Variants in SLC1A7 observed in about 807,000 individuals in gnomAD.
SLC1A7 encodes excitatory amino acid transporter 5.
Under a neutral mutation model 47.7 loss-of-function variants are expected in SLC1A7, and 40 were observed. The ratio of observed to expected loss-of-function variants is 0.84; its 90% CI spans 0.65 to 1.09. The LOEUF (loss-of-function observed/expected upper bound fraction) is 1.09. Among genes scored for constraint, SLC1A7 ranks in the 50% least tolerant of loss-of-function variants. SLC1A7 has a pLI of 0.00. For missense variants in SLC1A7, 746 were observed against 769.5 expected, an observed-to-expected ratio of 0.97 and a Z score of 0.36; for synonymous variants, 323 against 325.6, an observed-to-expected ratio of 0.99 and a Z score of 0.09.
chr1:53,110,243 C>T (rs950333892), intron 3 of SLC1A7, among the ~76,000 whole-genome samples: 2 of 152,334 alleles, frequency 1.3e-5, no homozygotes, highest in Admixed American at 1.3e-4. Flanking sequence ...GAGAGGGGAA[C>T]TGGCCTGCCC....
chr1:53,136,354 C>T (rs112244720), intron 1 of SLC1A7, among the ~76,000 whole-genome samples: 12,073 of 147,400 alleles, frequency 0.082, 603 homozygotes, highest in African/African-American at 0.14. Flanking sequence ...CCACTATGCC[C>T]GGCTAAATTT....
chr1:53,103,047 G>T, intron 5 of SLC1A7: 1 of 321,538 alleles, frequency 3.1e-6, no homozygotes, highest in Non-Finnish European at 5.7e-6. Context: ...GGCTTGCATA[G>T]GTGAGGGGCC....
intron 5 of SLC1A7, among the ~76,000 whole-genome samples, chr1:53,100,939 T>C (rs1165599855): frequency 6.9e-6 from 1 of 144,788 alleles, no homozygotes; most frequent in Non-Finnish European, 1.5e-5. Flanking sequence ...TCACACACCC[T>C]GCACCGGTAC....
rs371570159 is a variant in SLC1A7 at position 53,088,940 on chromosome 1, C to A, written c.1401G>T (p.Ala467=). 1 of 1,614,126 alleles carries A rather than the reference C, an allele frequency of 6.2e-7. No homozygotes were observed. ...TATGGGCCATGATCCCCGCTGCCAG[C>A]GCATCACCCAGCACGTTAATCATGG... The part of the protein sequence containing the change: ...FRTMINVLGD[A]LAAGIMAHIC... Residue 467 remains alanine, a synonymous_variant, in exon 10 of 11, where the codon GCG becomes GCT. Coordinates refer to ENST00000371494, the MANE Select transcript of SLC1A7 (RefSeq NM_006671.6).
chr1:53,093,413 A>T (rs377371415), intron 6 of SLC1A7, 48 bp downstream of exon 6: 3 of 1,411,506 alleles, frequency 2.1e-6, no homozygotes, highest in South Asian at 2.4e-5. Context: ...TCTTCCCTCC[A>T]TCCACCCAGG....
chr1:53,136,608 T>TATAATATATAAACATAC (rs1644999255), intron 1 of SLC1A7, among the ~76,000 whole-genome samples: 2 of 121,144 alleles, frequency 1.7e-5, no homozygotes, highest in African/African-American at 6.0e-5. Flanking sequence ...TATAAACATA[T>TATAATATATAAACATAC]ATAATATATA....
chr1:53,103,634 C>T (rs1644609332), intron 4 of SLC1A7, 66 bp from the exon 5 acceptor site: 1 of 907,292 alleles, frequency 1.1e-6, no homozygotes, highest in Non-Finnish European at 1.7e-6. Flanking sequence ...TTAACGACAA[C>T]AATAATAGCA....
intron 5 of SLC1A7, among the ~76,000 whole-genome samples, chr1:53,101,100 CACCTCGTTACACTCACACACACT>C (rs1644572126): frequency 6.7e-6 from 1 of 149,502 alleles, no homozygotes; most frequent in Non-Finnish European, 1.5e-5. Flanking sequence ...TCACACACAC[CACCTCGTTACACTCACACACACT>C]GCCGCAGTAC....
rs762403189 is a variant in SLC1A7, at chr1:53,090,630, C to T, written c.1208G>A (p.Gly403Asp). The T allele has an allele frequency of 4.7e-5, 75 of 1,597,296 alleles. No individual in the cohort carries two copies. The highest frequency in any genetic ancestry group is 5.8e-5 in the Non-Finnish European group (68 of 1,169,252). ...GGTGCACCTGATGGTGATGATCTGG[C>T]CAAAGTCCAGCTCGTAGTTGTTGAC... ...AQVNNYELDF[G>D]QIITISITAT... is the part of the protein sequence containing the mutation. The change falls in exon 8 of 11, where the codon GGC (glycine) becomes GAC (aspartate). Residue 403 changes from glycine (G) to aspartate (D), a missense_variant. Physicochemically the swap from Gly to Asp is moderately conservative, Grantham distance 94 (BLOSUM62 -1). Coordinates refer to ENST00000371494, the MANE Select transcript of SLC1A7 (RefSeq NM_006671.6).
chr1:53,114,758 C>T lies in SLC1A7; in HGVS notation c.431G>A (p.Arg144Gln), dbSNP rs775909830. 99 of 1,613,068 alleles carry T rather than the reference C, an allele frequency of 6.1e-5. No individual in the cohort carries two copies. Among genetic ancestry groups the T allele is most frequent in the Middle Eastern group, 5.1e-4 (3 of 5,860 alleles). Residue 144 changes from arginine to glutamine, a missense_variant and splice_region_variant, in exon 3 of 11, where the codon CGG (arginine) becomes CAG (glutamine). Coordinates refer to ENST00000371494, the MANE Select transcript of SLC1A7 (RefSeq NM_006671.6). Reference sequence around the variant, plus strand: ...GCGGGGTGTGGGTGGCAATAGTTACCGGATGAGGTCCAACAGGGCATCGGC... The same window carrying T: ...GCGGGGTGTGGGTGGCAATAGTTACTGGATGAGGTCCAACAGGGCATCGGC... ...SSADALLDLI[R>Q]NMFPANLVEA...
intron 5 of SLC1A7, among the ~76,000 whole-genome samples, chr1:53,101,820 G>A (rs75287840): frequency 0.02 from 2,893 of 141,554 alleles, 41 homozygotes; most frequent in South Asian, 0.031. Flanking sequence ...ACACCGCCTC[G>A]GTACACTCAC....
At chr1:53,121,625 A>G (rs373283910) in intron 2 of SLC1A7, among the ~76,000 whole-genome samples, 57 of 152,334 alleles carry the variant, frequency 3.7e-4, no homozygotes, top group African/African-American at 1.3e-3. Context: ...AATGTGCTGG[A>G]TGAGGGAGTT....
rs763838765 is a variant in SLC1A7 at position 53,129,721 on chromosome 1, G to A, written c.215+4629C>T. Among the ~76,000 whole-genome samples the A allele has an allele frequency of 1.1e-4, 15 of 141,436 alleles. 3 individuals carry two copies. Among genetic ancestry groups the A allele is most frequent in the Admixed American group, 2.2e-4 (3 of 13,890 alleles). 92.8% of individuals were successfully genotyped at this position (141,436 alleles called of 152,430 possible). On this transcript the variant is annotated intron_variant, in intron 2 of 10. Transcript: ENST00000371494. ...TCCATGGCAGCCCAGGGGCCTTTCA[G>A]CCCTCACGTCCACCCTTGCAGTCAC...
At chr1:53,116,725 G>A (rs1258061270) in intron 2 of SLC1A7, among the ~76,000 whole-genome samples, 1 of 152,194 alleles carries the variant, frequency 6.6e-6, no homozygotes, top group East Asian at 1.9e-4. Context: ...AGGCCACAGG[G>A]AAGCCATGTA....
At chr1:53,130,951 C>T (rs115701897) in intron 2 of SLC1A7, among the ~76,000 whole-genome samples, 1,584 of 152,164 alleles carry the variant, frequency 0.01, 22 homozygotes, top group African/African-American at 0.036. Flanking sequence ...AGTTCAGGAA[C>T]GAGGGGTTTT....
chr1:53,103,617 AC>A, intron 4 of SLC1A7, 49 bp from the exon 5 acceptor site: 1 of 1,118,290 alleles, frequency 8.9e-7, no homozygotes, highest in East Asian at 2.4e-5. Flanking sequence ...AAGGGTTGTT[AC>A]TAATATTAAC....
In SLC1A7 at chr1:53,088,224, G is replaced by T; in HGVS notation, c.1468C>A (p.Leu490Met). The T allele has an allele frequency of 6.2e-7, 1 of 1,604,494 alleles. No homozygotes were observed. The highest frequency in any genetic ancestry group is 8.5e-7 in the Non-Finnish European group (1 of 1,174,796). Residue 490 changes from leucine to methionine, a missense_variant, in exon 11 of 11, where the codon CTG (leucine) becomes ATG (methionine). Leu to Met is a conservative substitution (Grantham distance 15). Coordinates refer to ENST00000371494, the MANE Select transcript of SLC1A7 (RefSeq NM_006671.6). The part of the protein sequence containing the change: ...DFARDTGTEK[L>M]LPCETKPVSL... The stretch of plus-strand genomic sequence containing the variant: ...ACTGGCTTGGTCTCGCAGGGCAGCA[G>T]TTTCTGGTGAAGGGAAACAGGTCTT...
chr1:53,117,592 T>C (rs1388996287), intron 2 of SLC1A7, among the ~76,000 whole-genome samples: 1 of 152,220 alleles, frequency 6.6e-6, no homozygotes, highest in Admixed American at 6.5e-5. Context: ...ACCAGATTGT[T>C]TGCATCTCTG....
chr1:53,115,341 T>G, intron 2 of SLC1A7: 1 of 288,560 alleles, frequency 3.5e-6, no homozygotes, highest in Non-Finnish European at 6.8e-6. Context: ...TCTCAGAAGC[T>G]TCCTTCACTC....
Sources: allele counts gnomAD v4.1 joint callset (sites outside exome capture counted in the v4.1 genomes callset), GRCh38; gene constraint gnomAD v4.1.1; transcripts MANE v1.5; gene names NCBI Gene and HGNC (gene_info 2026-07-23, HGNC 2026-07-21).